ZNF704: variants seen among roughly 807,000 people sequenced by gnomAD.
The protein encoded by ZNF704 is zinc finger protein 704.
Under a neutral mutation model 44.7 loss-of-function variants are expected in ZNF704, and 10 were observed. The observed-to-expected ratio is 0.22, with a 90% CI of 0.14 to 0.38. ZNF704 has a LOEUF of 0.38. ZNF704 is among the 10% of genes least tolerant of loss of function. ZNF704 has a pLI of 1.00. For missense variants in ZNF704, 390 were observed against 545.5 expected, an observed-to-expected ratio of 0.71 and a Z score of 2.84; for synonymous variants, 211 against 207.6, an observed-to-expected ratio of 1.02 and a Z score of -0.14.
In ZNF704 at chr8:80,669,149, G is replaced by A. The variant is rs74831576; in HGVS notation, c.659+1354C>T. Among the ~76,000 whole-genome samples, 626 of 152,252 alleles carry A rather than the reference G, an allele frequency of 4.1e-3. 3 individuals carry two copies. Among genetic ancestry groups the A allele is most frequent in the Middle Eastern group, 6.8e-3 (2 of 294 alleles). On this transcript the variant is annotated intron_variant, in intron 5 of 8. Coordinates refer to ENST00000327835, the MANE Select transcript of ZNF704 (RefSeq NM_001033723.3). ...AACAGCATATGCTTCTGATGGGACC[G>A]AATAGGACTCAATTTTCTGGGCAGA...
rs1214728981 is a variant in ZNF704 at position 80,650,567 on chromosome 8, T to C, written c.1033-7438A>G. Among the ~76,000 whole-genome samples the C allele has an allele frequency of 2.6e-5, 4 of 152,084 alleles. No individual in the cohort carries two copies. The East Asian group carries it at 7.7e-4, about 29-fold the overall frequency. On this transcript the variant is annotated intron_variant, in intron 7 of 8. Transcript: ENST00000327835. Reference sequence around the variant, plus strand: ...GATCAAGTGGAAGAAAGGGTATCAGTGATGGAAGATCAAATGAATGAAAGG... The same window carrying C: ...GATCAAGTGGAAGAAAGGGTATCAGCGATGGAAGATCAAATGAATGAAAGG...
At chr8:80,696,938 G>A (rs775134605) in intron 2 of ZNF704, among the ~76,000 whole-genome samples, 15 of 152,164 alleles carry the variant, frequency 9.9e-5, no homozygotes, top group Non-Finnish European at 2.1e-4. Flanking sequence ...GTGGTGTCAC[G>A]TTGGTGCTCA....
chr8:80,753,895 C>T (rs986946547), intron 2 of ZNF704, among the ~76,000 whole-genome samples: 6 of 152,162 alleles, frequency 3.9e-5, no homozygotes, highest in Non-Finnish European at 7.3e-5. Flanking sequence ...ATGAGAGATG[C>T]TCTCTAGCAT....
intron 1 of ZNF704, among the ~76,000 whole-genome samples, chr8:80,846,169 T>C (rs898464420): frequency 6.6e-6 from 1 of 152,156 alleles, no homozygotes; most frequent in Non-Finnish European, 1.5e-5. Context: ...ACCTAAGTAA[T>C]GCAGGCCATA....
At position 80,874,074 on chromosome 8, in the gene ZNF704, C is replaced by T. The variant is rs1253317561; in HGVS notation, c.-22+497G>A. 6.8e-6 allele frequency among the ~76,000 whole-genome samples: 1 copy of T among 146,878 alleles called. No individual in the cohort carries two copies. Among genetic ancestry groups the T allele is most frequent in the South Asian group, 2.1e-4 (1 of 4,816 alleles). On this transcript the variant is annotated intron_variant, in intron 1 of 8. Transcript: ENST00000327835. This position sits in a 1 kb window ranked among gnomAD's most constrained non-coding sequence, Gnocchi z 4.4. The stretch of plus-strand genomic sequence containing the variant: ...GAGCGCGGGGTTGCGGGCCGCGGCG[C>T]GGGGCCGGAGAGTTTGTCACCTCCT...
chr8:80,709,684 G>A (rs1818954861), intron 2 of ZNF704, among the ~76,000 whole-genome samples: 1 of 152,092 alleles, frequency 6.6e-6, no homozygotes, highest in African/African-American at 2.4e-5. Flanking sequence ...TTCTAAGAAA[G>A]TGTCAGCCCG....
chr8:80,647,596 T>C (rs1817853569), intron 7 of ZNF704, among the ~76,000 whole-genome samples: 1 of 152,172 alleles, frequency 6.6e-6, no homozygotes, highest in Admixed American at 6.5e-5. Context: ...TACTGGTGGT[T>C]TAGACTAGGT....
At chr8:80,686,952 A>G (rs1427279285) in intron 4 of ZNF704, among the ~76,000 whole-genome samples, 1 of 152,208 alleles carries the variant, frequency 6.6e-6, no homozygotes, top group Non-Finnish European at 1.5e-5. Flanking sequence ...TAACTTACAA[A>G]TACTGGTAAG....
chr8:80,694,331 A>C (rs1252024335), intron 2 of ZNF704: 1 of 152,200 alleles, frequency 6.6e-6, no homozygotes, highest in Admixed American at 6.5e-5. Context: ...TCATAAGATT[A>C]TGATCATGGT....
Position 80,867,535 on chromosome 8 carries a change from G to A in ZNF704, c.-22+7036C>T, listed in dbSNP as rs764759417. Among the ~76,000 whole-genome samples the A allele has an allele frequency of 8.5e-5, 13 of 152,166 alleles. No individual in the cohort carries two copies. The South Asian group carries it at 1.3e-3, about 15-fold the overall frequency. ...ACCACCCTGCATAGTCAGTGCCCTCGGTGGTCAAATGAAAGTACTGGATTA... is the reference window on the plus strand; with the variant it reads ...ACCACCCTGCATAGTCAGTGCCCTCAGTGGTCAAATGAAAGTACTGGATTA... On this transcript the variant is annotated intron_variant, in intron 1 of 8. Transcript: ENST00000327835.
chr8:80,821,578 T>C lies in ZNF704; in HGVS notation c.17A>G (p.Gln6Arg). The C allele has an allele frequency of 6.2e-7, 1 of 1,613,438 alleles. No homozygotes were observed. Among genetic ancestry groups the C allele is most frequent in the Non-Finnish European group, 8.5e-7 (1 of 1,179,874 alleles). MTFTFQSEDLKRDCGK... is the reference protein window; with the variant it reads MTFTFRSEDLKRDCGK... ...ACAGTCACGTTTTAAGTCCTCTGAC[T>C]GAAATGTGAAGGTCATTTCCCGCTT... The change falls in exon 2 of 9, where the codon CAG becomes CGG. Residue 6 changes from glutamine (Q) to arginine (R), a missense_variant. Physicochemically the swap from Gln to Arg is conservative, Grantham distance 43. Coordinates refer to ENST00000327835, the MANE Select transcript of ZNF704 (RefSeq NM_001033723.3).
At chr8:80,793,733 A>G (rs1807752111) in intron 2 of ZNF704, among the ~76,000 whole-genome samples, 1 of 151,936 alleles carries the variant, frequency 6.6e-6, no homozygotes, top group Admixed American at 6.5e-5. Context: ...GCATAAGAAA[A>G]TAACAAAAAA....
intron 1 of ZNF704, among the ~76,000 whole-genome samples, chr8:80,822,492 T>C (rs1808293575): frequency 6.6e-6 from 1 of 152,238 alleles, no homozygotes; most frequent in Non-Finnish European, 1.5e-5. Flanking sequence ...TTGTGAATCA[T>C]GCCAAAATAA....
intron 1 of ZNF704, among the ~76,000 whole-genome samples, chr8:80,827,611 C>T (rs1336521272): frequency 6.6e-6 from 1 of 152,162 alleles, no homozygotes; most frequent in Non-Finnish European, 1.5e-5. Flanking sequence ...CCCACATTGC[C>T]AAGTCAATCC....
the ZNF704 span, among the ~76,000 whole-genome samples, chr8:80,882,961 G>A: frequency 6.6e-6 from 1 of 151,562 alleles, no homozygotes; most frequent in Non-Finnish European, 1.5e-5. Flanking sequence ...TTAATGGCCA[G>A]GTGTGGTGGC....
At chr8:80,782,793 C>T (rs1807551801) in intron 2 of ZNF704, among the ~76,000 whole-genome samples, 1 of 152,078 alleles carries the variant, frequency 6.6e-6, no homozygotes, top group Non-Finnish European at 1.5e-5. Context: ...CAGGATGCTT[C>T]CCACCCTCAA....
intron 2 of ZNF704, among the ~76,000 whole-genome samples, chr8:80,699,189 A>C (rs535840355): frequency 1.1e-3 from 169 of 152,214 alleles, no homozygotes; most frequent in Non-Finnish European, 1.5e-3. Flanking sequence ...AGGCTATAAT[A>C]ATCATCCCCA....
chr8:80,685,621 C>A (rs181098046), intron 4 of ZNF704, among the ~76,000 whole-genome samples: 4 of 152,370 alleles, frequency 2.6e-5, no homozygotes, highest in Admixed American at 2.0e-4. Flanking sequence ...GGTGCCAGAA[C>A]AACTTCAGCC....
At chr8:80,824,119 A>C (rs1217246112) in intron 1 of ZNF704, among the ~76,000 whole-genome samples, 1 of 152,200 alleles carries the variant, frequency 6.6e-6, no homozygotes, top group Non-Finnish European at 1.5e-5. Flanking sequence ...TGGTAGTAAC[A>C]AACTTCTCCG....
Sources: gnomAD v4.1 joint callset for allele counts (sites outside exome capture counted in the v4.1 genomes callset) on GRCh38, gnomAD v4.1.1 for gene constraint, Gnocchi (gnomAD v3.1) non-coding constraint, MANE v1.5 for transcripts, NCBI Gene and HGNC (gene_info 2026-07-23, HGNC 2026-07-21) for gene names.